The following PCDHGB5 variants were observed in gnomAD, a reference collection of about 807,000 sequenced individuals.
PCDHGB5 encodes the protein protocadherin gamma-B5.
PCDHGB5 carries 48 observed loss-of-function variants against 62.9 expected under a neutral mutation model. The observed-to-expected ratio is 0.76, with a 90% CI of 0.61 to 0.97. The LOEUF (loss-of-function observed/expected upper bound fraction) is 0.97, where lower values mean the gene tolerates loss of function less well. PCDHGB5 is among the 50% of genes least tolerant of loss of function. PCDHGB5 has a pLI of 0.00. For missense variants in PCDHGB5, 1,118 were observed against 1,198.6 expected (o/e 0.93, Z 0.99); for synonymous variants, 474 against 511.2 (o/e 0.93, Z 0.98).
rs115990854 is a variant in PCDHGB5 at position 141,433,033 on chromosome 5, C to T, written c.2397+32509C>T. On this transcript the variant is annotated intron_variant, in intron 1 of 3. Coordinates refer to ENST00000617380, the MANE Select transcript of PCDHGB5 (RefSeq NM_018925.3). ...TGCAGACCTATTCCCACGAGGTTTC[C>T]CTCACCACGGACTCGCGGAAGAGTC... The T allele has an allele frequency of 6.4e-3, 10,342 of 1,614,162 alleles. 43 individuals are homozygous for T. The highest frequency in any genetic ancestry group is 8.6e-3 in the Middle Eastern group (52 of 6,062).
rs1173306822 is a variant in PCDHGB5 at position 141,431,115 on chromosome 5, T to C, written c.2397+30591T>C. The C allele has an allele frequency of 9.3e-6, 15 of 1,613,492 alleles. No individual in the cohort carries two copies. The highest frequency in any genetic ancestry group is 1.3e-5 in the Non-Finnish European group (15 of 1,179,878). On this transcript the variant is annotated intron_variant, in intron 1 of 3. Coordinates refer to ENST00000617380, the MANE Select transcript of PCDHGB5 (RefSeq NM_018925.3). The surrounding 1 kb of genome is among the most constrained non-coding windows in gnomAD (Gnocchi z 4.8). The stretch of plus-strand genomic sequence containing the variant: ...GAGGATAAAGTGAAAATATATGGAG[T>C]AGAAGTAGAAGTAAGGGACATTAAC...
At chr5:141,507,862 G>A (rs17286954) in intron 3 of PCDHGB5, among the ~76,000 whole-genome samples, 4 of 152,076 alleles carry the variant, frequency 2.6e-5, no homozygotes, top group African/African-American at 7.2e-5. Flanking sequence ...TTTCACACCC[G>A]CTTCCTAGCC....
At position 141,431,468 on chromosome 5, in the gene PCDHGB5, G is replaced by A. The variant is rs756718016; in HGVS notation, c.2397+30944G>A. ...CCGCGTGATGGTTCTGGATGCGAAC[G>A]ACAACGCACCAGCGTTTGCTCAGCC... On this transcript the variant is annotated intron_variant, in intron 1 of 3. Transcript: ENST00000617380. This position sits in a 1 kb window ranked among gnomAD's most constrained non-coding sequence, Gnocchi z 4.8. The A allele has an allele frequency of 3.7e-6, 6 of 1,613,804 alleles. No homozygotes were observed. In the Admixed American group the frequency reaches 8.3e-5, roughly 22 times the overall value.
intron 1 of PCDHGB5, chr5:141,479,537 T>C (rs1299169562): frequency 6.6e-6 from 1 of 152,230 alleles, no homozygotes; most frequent in Non-Finnish European, 1.5e-5. Context: ...GTGGAGAAGG[T>C]CAAAACTGCT....
In PCDHGB5 at chr5:141,476,737, G is replaced by A. The variant is rs1420138912; in HGVS notation, c.2398-18070G>A. ...AGCGCGCCCTGGACCGAGAACGGGA[G>A]CCTAGTCTCCAGTTAGTGCTGACGG... is the stretch of plus-strand genomic sequence containing the variant. On this transcript the variant is annotated intron_variant, in intron 1 of 3. Coordinates refer to ENST00000617380, the MANE Select transcript of PCDHGB5 (RefSeq NM_018925.3). This position sits in a 1 kb window ranked among gnomAD's most constrained non-coding sequence, Gnocchi z 7.6. The A allele has an allele frequency of 3.1e-6, 5 of 1,613,982 alleles. No individual in the cohort carries two copies. Among genetic ancestry groups the A allele is most frequent in the Non-Finnish European group, 4.2e-6 (5 of 1,180,038 alleles).
At chr5:141,422,280 C>A in intron 1 of PCDHGB5, 1 of 1,557,754 alleles carries the variant, frequency 6.4e-7, no homozygotes, top group Non-Finnish European at 8.6e-7. Context: ...TAACTATCAC[C>A]TCTTCTATTA....
chr5:141,416,996 C>T (rs1280099812), intron 1 of PCDHGB5: 1 of 151,012 alleles, frequency 6.6e-6, no homozygotes. Flanking sequence ...GTGCATTCAT[C>T]TCAAATAATT....
In PCDHGB5 at chr5:141,489,449, A is replaced by G; in HGVS notation, c.2398-5358A>G. The G allele has an allele frequency of 6.2e-7, 1 of 1,614,056 alleles. No homozygotes were observed. Among genetic ancestry groups the G allele is most frequent in the Non-Finnish European group, 8.5e-7 (1 of 1,180,016 alleles). On this transcript the variant is annotated intron_variant, in intron 1 of 3. Coordinates refer to ENST00000617380, the MANE Select transcript of PCDHGB5 (RefSeq NM_018925.3). This position sits in a 1 kb window ranked among gnomAD's most constrained non-coding sequence, Gnocchi z 4.5. ...CGGCGGCTGCAATTGGGCTCTGAGG[A>G]GAATGGGCGCTATTTTTCCCTGAGC...
In PCDHGB5 at chr5:141,432,265, G is replaced by A. The variant is rs756993242; in HGVS notation, c.2397+31741G>A. On this transcript the variant is annotated intron_variant, in intron 1 of 3. Transcript: ENST00000617380. The surrounding 1 kb of genome is among the most constrained non-coding windows in gnomAD (Gnocchi z 6.0). ...ACACCATCCAAGGGGCAAGCCTATCGTCCTACGTGTCCATCAACTCCGACA... is the reference window on the plus strand; with the variant it reads ...ACACCATCCAAGGGGCAAGCCTATCATCCTACGTGTCCATCAACTCCGACA... 2.5e-6 allele frequency: 4 copies of A among 1,614,092 alleles called. No individual in the cohort carries two copies. The highest frequency in any genetic ancestry group is 1.7e-5 in the Admixed American group (1 of 60,004).
intron 3 of PCDHGB5, among the ~76,000 whole-genome samples, chr5:141,507,760 T>G (rs2099863136): frequency 6.6e-6 from 1 of 152,202 alleles, no homozygotes; most frequent in Non-Finnish European, 1.5e-5. Context: ...GCCTCCCACC[T>G]TTGGCCCACA....
chr5:141,414,864 G>A (rs766848727), intron 1 of PCDHGB5: 2 of 1,614,174 alleles, frequency 1.2e-6, no homozygotes, highest in South Asian at 2.2e-5. Context: ...ACGACAATGC[G>A]CCCGAGATCC....
intron 1 of PCDHGB5, among the ~76,000 whole-genome samples, chr5:141,461,881 T>C (rs2099025428): frequency 6.6e-6 from 1 of 152,060 alleles, no homozygotes. Flanking sequence ...TGGAGTGCAA[T>C]GGCACGATCT....
At chr5:141,409,389 C>T (rs1445649056) in intron 1 of PCDHGB5, 2 of 1,613,888 alleles carry the variant, frequency 1.2e-6, no homozygotes, top group Non-Finnish European at 1.7e-6. Flanking sequence ...AAGATTTATT[C>T]TTCTTCCAAT....
chr5:141,508,961 A>G (rs991011427), intron 3 of PCDHGB5, among the ~76,000 whole-genome samples: 2 of 151,978 alleles, frequency 1.3e-5, no homozygotes, highest in Non-Finnish European at 2.9e-5. Flanking sequence ...TGTCAGCGGA[A>G]TGAAAGGGCT....
rs1361609314 is a variant in PCDHGB5 at position 141,423,642 on chromosome 5, TGACCC to T, written c.2397+23122_2397+23126del. 6 of 1,596,888 alleles carry T rather than the reference TGACCC, an allele frequency of 3.8e-6. No individual in the cohort carries two copies. In the South Asian group the frequency reaches 5.7e-5, roughly 15 times the overall value. ...ACTCAGCTATCATTTTAGGCAAATGTGACCCGACAAGTAATCAGGTGAGATTTATT... is the reference window on the plus strand; with the variant it reads ...ACTCAGCTATCATTTTAGGCAAATGTGACAAGTAATCAGGTGAGATTTATT... On this transcript the variant is annotated intron_variant, in intron 1 of 3. Transcript: ENST00000617380.
At chr5:141,460,456 T>C (rs2098989632) in intron 1 of PCDHGB5, among the ~76,000 whole-genome samples, 1 of 152,124 alleles carries the variant, frequency 6.6e-6, no homozygotes, top group South Asian at 2.1e-4. Flanking sequence ...AAGATTCATA[T>C]TTTTTTCCAA....
In PCDHGB5 at chr5:141,490,363, C is replaced by G; in HGVS notation, c.2398-4444C>G. 3 of 1,614,154 alleles carry G rather than the reference C, an allele frequency of 1.9e-6. No homozygotes were observed. Among genetic ancestry groups the G allele is most frequent in the Non-Finnish European group, 2.5e-6 (3 of 1,180,032 alleles). On this transcript the variant is annotated intron_variant, in intron 1 of 3. Transcript: ENST00000617380. This position sits in a 1 kb window ranked among gnomAD's most constrained non-coding sequence, Gnocchi z 5.4. ...CACAGTAGTGGGGTTGTTTAATGTGCGAGACCGGGACTCAGGTAGAAATGG... is the reference window on the plus strand; with the variant it reads ...CACAGTAGTGGGGTTGTTTAATGTGGGAGACCGGGACTCAGGTAGAAATGG...
chr5:141,469,618 T>C (rs1284372508), intron 1 of PCDHGB5, among the ~76,000 whole-genome samples: 1 of 152,148 alleles, frequency 6.6e-6, no homozygotes, highest in Non-Finnish European at 1.5e-5. Context: ...ATAAAATAAA[T>C]GTTTGTAGTT....
chr5:141,454,575 T>G (rs1430018751), intron 1 of PCDHGB5, among the ~76,000 whole-genome samples: 1 of 151,400 alleles, frequency 6.6e-6, no homozygotes, highest in African/African-American at 2.4e-5. Context: ...CCCGGCTAAT[T>G]TTGTATTTTT....
Sources: gnomAD v4.1 joint callset for allele counts (sites outside exome capture counted in the v4.1 genomes callset) on GRCh38, gnomAD v4.1.1 for gene constraint, Gnocchi (gnomAD v3.1) non-coding constraint, MANE v1.5 for transcripts, NCBI Gene and HGNC (gene_info 2026-07-23, HGNC 2026-07-21) for gene names.